Variants in HPSE2 observed in about 807,000 individuals in gnomAD.
HPSE2 encodes inactive heparanase-2.
HPSE2 carries 38 observed loss-of-function variants against 60.5 expected under a neutral mutation model. The ratio of observed to expected loss-of-function variants is 0.63; its 90% CI spans 0.48 to 0.82. The LOEUF (loss-of-function observed/expected upper bound fraction) is 0.82. Ranked by LOEUF, HPSE2 falls within the 40% of genes least tolerant of loss-of-function variation. The pLI is 0.00. For missense variants in HPSE2, 713 were observed against 740.4 expected (o/e 0.96, Z 0.43); for synonymous variants, 295 against 293.2 (o/e 1.01, Z -0.06).
At chr10:99,205,189 G>C (rs1307084933) in intron 2 of HPSE2, among the ~76,000 whole-genome samples, 1 of 152,160 alleles carries the variant, frequency 6.6e-6, no homozygotes, top group Non-Finnish European at 1.5e-5. Context: ...GTCCCTACCA[G>C]TATGTAACAT....
chr10:99,036,107 T>A (rs1957603786), intron 3 of HPSE2, among the ~76,000 whole-genome samples: 1 of 152,002 alleles, frequency 6.6e-6, no homozygotes, highest in Non-Finnish European at 1.5e-5. Context: ...CCCAGCTACT[T>A]GGGAGGCTGA....
intron 3 of HPSE2, among the ~76,000 whole-genome samples, chr10:98,972,098 T>C (rs1489726411): frequency 6.6e-6 from 1 of 152,106 alleles, no homozygotes; most frequent in African/African-American, 2.4e-5. Flanking sequence ...GCCAGTTTAA[T>C]AGGTAGAAAG....
chr10:99,136,692 C>T (rs547751750), intron 3 of HPSE2, among the ~76,000 whole-genome samples: 2 of 152,224 alleles, frequency 1.3e-5, no homozygotes, highest in East Asian at 3.9e-4. Context: ...ATTCAACACC[C>T]CTTCATGCTA....
rs1177556672 is a variant in HPSE2 at position 99,184,819 on chromosome 10, TAGAGAGAGAGAGAGAGAG to T, written c.449-40438_449-40421del. 1.3e-3 allele frequency among the ~76,000 whole-genome samples: 25 copies of T among 19,858 alleles called. 1 individual carries two copies. The highest frequency in any genetic ancestry group is 2.3e-3 in the African/African-American group (14 of 6,012). The allele number at this position is 19,858 out of a possible 152,430, so 13.0% of individuals were successfully genotyped here. A position where few individuals can be genotyped will look rare whatever the true frequency, so the allele number is the denominator to read the frequency against. ...ATATATATATATATATATATATATA[TAGAGAGAGAGAGAGAGAG>T]AGAGAGAGAGAGAGAGAGAGAGAGA... is the stretch of plus-strand genomic sequence containing the variant. On this transcript the variant is annotated intron_variant, in intron 2 of 11. Coordinates refer to ENST00000370552, the MANE Select transcript of HPSE2 (RefSeq NM_021828.5).
chr10:99,160,234 A>G (rs1846771978), intron 2 of HPSE2, among the ~76,000 whole-genome samples: 2 of 152,132 alleles, frequency 1.3e-5, no homozygotes, highest in Admixed American at 6.5e-5. Context: ...ACACCTTGAT[A>G]AAAAGACAAC....
chr10:98,797,121 C>G (rs1950795246), intron 3 of HPSE2, among the ~76,000 whole-genome samples: 2 of 152,164 alleles, frequency 1.3e-5, no homozygotes, highest in Admixed American at 1.3e-4. Flanking sequence ...CCAGGAAAAT[C>G]TTACTTCACC....
intron 2 of HPSE2, among the ~76,000 whole-genome samples, chr10:99,178,867 T>G (rs1158265460): frequency 6.6e-6 from 1 of 152,186 alleles, no homozygotes; most frequent in Non-Finnish European, 1.5e-5. Context: ...GCGAAAATCC[T>G]CAATAAAATA....
At chr10:98,697,981 T>G (rs1948277946) in intron 5 of HPSE2, among the ~76,000 whole-genome samples, 1 of 148,880 alleles carries the variant, frequency 6.7e-6, no homozygotes, top group African/African-American at 2.5e-5. Context: ...AGCACCCAGA[T>G]TCATAAAGCA....
At chr10:99,153,084 A>G (rs2796750) in intron 2 of HPSE2, among the ~76,000 whole-genome samples, 24,767 of 152,028 alleles carry the variant, frequency 0.16, 2,400 homozygotes, top group Admixed American at 0.24. Context: ...TATCCCGCAC[A>G]TGGCTCGGAG....
intron 3 of HPSE2, among the ~76,000 whole-genome samples, chr10:98,768,125 A>T (rs1434427734): frequency 1.3e-5 from 2 of 151,970 alleles, no homozygotes; most frequent in Non-Finnish European, 2.9e-5. Context: ...TTATGTCTAT[A>T]CTCTTATTTC....
At chr10:99,236,014 T>C (rs1257206684), upstream of HPSE2, among the ~76,000 whole-genome samples, 1 of 135,158 alleles carries the variant, frequency 7.4e-6, no homozygotes, top group Non-Finnish European at 1.6e-5. Flanking sequence ...TTTTTTTTAA[T>C]TTTTTTTAAT....
chr10:98,900,958 C>A (rs1479524080), intron 3 of HPSE2, among the ~76,000 whole-genome samples: 1 of 152,096 alleles, frequency 6.6e-6, no homozygotes, highest in African/African-American at 2.4e-5. Context: ...ACCCAAATGT[C>A]CATCAACAGG....
intron 9 of HPSE2, among the ~76,000 whole-genome samples, chr10:98,544,968 G>T (rs1044813171): frequency 1.3e-5 from 2 of 151,688 alleles, no homozygotes; most frequent in Non-Finnish European, 2.9e-5. Flanking sequence ...ATGACAAAGG[G>T]GATATCACCA....
chr10:98,963,229 T>C (rs905697298), intron 3 of HPSE2, among the ~76,000 whole-genome samples: 1 of 152,206 alleles, frequency 6.6e-6, no homozygotes, highest in Admixed American at 6.6e-5. Flanking sequence ...ATATTATAAC[T>C]CTTTGTTTTC....
intron 3 of HPSE2, among the ~76,000 whole-genome samples, chr10:99,023,234 C>T (rs367556380): frequency 1.3e-5 from 2 of 151,954 alleles, no homozygotes; most frequent in Admixed American, 6.6e-5. Flanking sequence ...CCTGGGGTGG[C>T]GGTGGCTATG....
chr10:99,038,170 T>C (rs2135467186), intron 3 of HPSE2, among the ~76,000 whole-genome samples: 1 of 152,262 alleles, frequency 6.6e-6, no homozygotes, highest in South Asian at 2.1e-4. Context: ...ATCATACTCC[T>C]AAGGATTTAT....
chr10:99,077,295 G>T (rs11189957), intron 3 of HPSE2, among the ~76,000 whole-genome samples: 74,685 of 151,978 alleles, frequency 0.49, 20,805 homozygotes, highest in East Asian at 0.65. Context: ...CTTTGAATAA[G>T]CTTTCTTCCC....
intron 3 of HPSE2, among the ~76,000 whole-genome samples, chr10:98,874,233 T>C (rs1268425435): frequency 6.6e-6 from 1 of 152,090 alleles, no homozygotes; most frequent in Admixed American, 6.6e-5. Flanking sequence ...TTGTCAATTA[T>C]GGCTTTTGTT....
In HPSE2 at chr10:98,509,311, AAAC is replaced by A. The variant is rs1416682910; in HGVS notation, c.1321-19118_1321-19116del. ...CCTGGTGACAGAGACTCCGTCTCAA[AAAC>A]AACAACAACAAAACAAAAACAGAAG... On this transcript the variant is annotated intron_variant, in intron 9 of 11. Transcript: ENST00000370552. Among the ~76,000 whole-genome samples the A allele has an allele frequency of 9.2e-5, 14 of 152,062 alleles. No homozygotes were observed. The East Asian group carries it at 2.7e-3, about 30-fold the overall frequency.
Sources: allele counts gnomAD v4.1 joint callset (sites outside exome capture counted in the v4.1 genomes callset), GRCh38; gene constraint gnomAD v4.1.1; transcripts MANE v1.5; gene names NCBI Gene and HGNC (gene_info 2026-07-23, HGNC 2026-07-21).